The following TCAIM variants were observed in gnomAD, a reference collection of about 807,000 sequenced individuals.
TCAIM encodes T cell activation inhibitor, mitochondrial.
A neutral mutation model predicts 58.6 loss-of-function variants in TCAIM; 36 were observed. The observed-to-expected ratio is 0.61, with a 90% CI of 0.47 to 0.81. The LOEUF is 0.81. TCAIM is among the 30% of genes least tolerant of loss of function. The probability of loss-of-function intolerance (pLI) is 0.00; values close to 1 mark genes in which losing one functional copy is unlikely to be tolerated. For synonymous variants in TCAIM, 172 were observed against 193.6 expected, an observed-to-expected ratio of 0.89 and a Z score of 0.93; for missense variants, 466 against 579.6, an observed-to-expected ratio of 0.80 and a Z score of 2.01.
At chr3:44,359,043 A>G in intron 3 of TCAIM, 1 of 982,172 alleles carries the variant, frequency 1.0e-6, no homozygotes, top group South Asian at 4.7e-5. Flanking sequence ...AGAAAAATCA[A>G]GCTTAGTAAT....
Position 44,396,652 on chromosome 3 carries a change from G to A in TCAIM, c.794-91G>A. 2.7e-6 allele frequency: 4 copies of A among 1,471,872 alleles called. No individual in the cohort carries two copies. The South Asian group carries it at 4.9e-5, about 18-fold the overall frequency. 91.2% of individuals were successfully genotyped at this position (1,471,872 alleles called of 1,614,324 possible). A position where few individuals can be genotyped will look rare whatever the true frequency, so the allele number is the denominator to read the frequency against. ...TAAAATTAGCCTTTAAGCTTCTACT[G>A]AATTTAATCCTGGGTTTATACACTA... is the stretch of plus-strand genomic sequence containing the variant. On this transcript the variant is annotated intron_variant, in intron 7 of 10. Transcript: ENST00000342649.
At chr3:44,403,281 A>T (rs1419441019) in intron 10 of TCAIM, among the ~76,000 whole-genome samples, 1 of 152,156 alleles carries the variant, frequency 6.6e-6, no homozygotes, top group African/African-American at 2.4e-5. Context: ...AAAAATAAAT[A>T]AATAGAGAGA....
chr3:44,358,656 T>G (rs1559564336), intron 3 of TCAIM: 2 of 713,742 alleles, frequency 2.8e-6, no homozygotes, highest in East Asian at 1.3e-4. Flanking sequence ...TATGAGAGAC[T>G]TGAGCATTCG....
chr3:44,376,583 A>G (rs1285706303), intron 5 of TCAIM, among the ~76,000 whole-genome samples: 1 of 152,222 alleles, frequency 6.6e-6, no homozygotes. Flanking sequence ...AAAGGAAACG[A>G]GAAAGGAATT....
intron 8 of TCAIM, among the ~76,000 whole-genome samples, chr3:44,398,548 T>C (rs1053061221): frequency 1.3e-5 from 2 of 152,024 alleles, no homozygotes; most frequent in African/African-American, 4.8e-5. Flanking sequence ...AAATGAAAAA[T>C]AGTTACATGC....
chr3:44,383,090 A>G (rs1360064131), intron 5 of TCAIM, among the ~76,000 whole-genome samples: 3 of 152,162 alleles, frequency 2.0e-5, no homozygotes, highest in Admixed American at 2.0e-4. Context: ...CAAAATAACA[A>G]GAGTTGATGA....
chr3:44,395,062 G>A (rs1461219753), intron 6 of TCAIM, among the ~76,000 whole-genome samples: 2 of 147,636 alleles, frequency 1.4e-5, no homozygotes, highest in Admixed American at 1.4e-4. Flanking sequence ...TTTTTTACTT[G>A]CTAAAAAATT....
chr3:44,375,738 T>C (rs1387580984), intron 5 of TCAIM, among the ~76,000 whole-genome samples: 1 of 152,144 alleles, frequency 6.6e-6, no homozygotes, highest in African/African-American at 2.4e-5. Context: ...ATTGGAACTC[T>C]CCTCCATATA....
chr3:44,377,824 TTAAAAA>T (rs1418025179), intron 5 of TCAIM, among the ~76,000 whole-genome samples: 2 of 151,896 alleles, frequency 1.3e-5, no homozygotes, highest in Non-Finnish European at 2.9e-5. Flanking sequence ...CCCATGAAAA[TTAAAAA>T]TAAAAAGAAA....
intron 6 of TCAIM, among the ~76,000 whole-genome samples, chr3:44,393,180 G>C (rs1701866408): frequency 1.3e-5 from 2 of 152,154 alleles, no homozygotes; most frequent in African/African-American, 2.4e-5. Flanking sequence ...AAATAAGGCT[G>C]TGCACAGTGG....
chr3:44,380,289 T>C (rs1559575377), intron 5 of TCAIM, among the ~76,000 whole-genome samples: 1 of 152,128 alleles, frequency 6.6e-6, no homozygotes, highest in African/African-American at 2.4e-5. Context: ...ATTGGAATGT[T>C]TCTACAATAA....
chr3:44,357,950 G>A, intron 3 of TCAIM, 74 bp downstream of exon 3: 1 of 1,522,242 alleles, frequency 6.6e-7, no homozygotes, highest in Non-Finnish European at 8.9e-7. Flanking sequence ...ATAATACATA[G>A]AGTTCTATAA....
Position 44,358,484 on chromosome 3 carries a change from C to G in TCAIM, c.165+608C>G. 8.0e-6 allele frequency: 4 copies of G among 501,136 alleles called. No homozygotes were observed. In the South Asian group the frequency reaches 1.3e-4, roughly 16 times the overall value. 31.0% of individuals were successfully genotyped at this position (501,136 alleles called of 1,614,324 possible). A position where few individuals can be genotyped will look rare whatever the true frequency, so the allele number is the denominator to read the frequency against. On this transcript the variant is annotated intron_variant, in intron 3 of 10. Coordinates refer to ENST00000342649, the MANE Select transcript of TCAIM (RefSeq NM_173826.4). ...GGGAAAAAAATACATCTGTACTACA[C>G]ATGAACAAACTTCTCTTTCTTGTCA...
At chr3:44,394,913 AAAAAAAAAATATATATATATATATAT>A (rs1386007340) in intron 6 of TCAIM, among the ~76,000 whole-genome samples, 2 of 53,204 alleles carry the variant, frequency 3.8e-5, no homozygotes, top group Non-Finnish European at 7.1e-5. Flanking sequence ...AAAAAAAAAA[AAAAAAAAAATATATATATATATATAT>A]ATATATATAT....
At chr3:44,360,057 C>T (rs1297731667) in intron 3 of TCAIM, among the ~76,000 whole-genome samples, 1 of 152,118 alleles carries the variant, frequency 6.6e-6, no homozygotes, top group Non-Finnish European at 1.5e-5. Context: ...GTGAGGCTCT[C>T]CCAGACTACA....
At chr3:44,343,699 C>CT (rs1700903420) in intron 1 of TCAIM, among the ~76,000 whole-genome samples, 1 of 152,150 alleles carries the variant, frequency 6.6e-6, no homozygotes, top group Non-Finnish European at 1.5e-5. Flanking sequence ...AAATGTAAAC[C>CT]TTTTTAGGAA....
At chr3:44,406,412 C>T (rs1300448446) in intron 10 of TCAIM, among the ~76,000 whole-genome samples, 1 of 152,162 alleles carries the variant, frequency 6.6e-6, no homozygotes, top group Non-Finnish European at 1.5e-5. Context: ...TAGAAGCAGG[C>T]CCAGCTGTGA....
chr3:44,392,729 A>T, intron 5 of TCAIM, 126 bp from the exon 6 acceptor site: 1 of 827,834 alleles, frequency 1.2e-6, no homozygotes, highest in Non-Finnish European at 1.8e-6. Flanking sequence ...TCTGTCATTG[A>T]TTGGCATTTA....
intron 5 of TCAIM, among the ~76,000 whole-genome samples, chr3:44,380,390 T>TA (rs989897425): frequency 8.5e-5 from 13 of 152,272 alleles, no homozygotes; most frequent in African/African-American, 2.4e-4. Context: ...CTGAAAATTT[T>TA]AAAAAAATGT....
Sources: allele counts gnomAD v4.1 joint callset (sites outside exome capture counted in the v4.1 genomes callset), GRCh38; gene constraint gnomAD v4.1.1; transcripts MANE v1.5; gene names NCBI Gene and HGNC (gene_info 2026-07-23, HGNC 2026-07-21).